Variants in TNKS observed in about 807,000 individuals in gnomAD.
The protein encoded by TNKS is poly [ADP-ribose] polymerase tankyrase-1.
A neutral mutation model predicts 135.8 loss-of-function variants in TNKS; 72 were observed. That is an observed-to-expected ratio of 0.53 (90% CI 0.44 to 0.64). The LOEUF (loss-of-function observed/expected upper bound fraction) is 0.64, where lower values mean the gene tolerates loss of function less well. TNKS is among the 30% of genes least tolerant of loss of function. TNKS has a pLI of 0.00. For missense variants in TNKS, 1,769 were observed against 1,674.0 expected, an observed-to-expected ratio of 1.06 and a Z score of -0.99; for synonymous variants, 849 against 649.3, an observed-to-expected ratio of 1.31 and a Z score of -4.68.
chr8:9,747,498 A>T (rs1806301261), intron 17 of TNKS, among the ~76,000 whole-genome samples: 1 of 152,200 alleles, frequency 6.6e-6, no homozygotes, highest in Non-Finnish European at 1.5e-5. Flanking sequence ...ACCAATTTTC[A>T]TAAAATGTTA....
At chr8:9,575,443 G>A (rs1797911039) in intron 1 of TNKS, 3 of 984,264 alleles carry the variant, frequency 3.0e-6, no homozygotes, top group East Asian at 1.1e-4. Flanking sequence ...TTATTCTAAA[G>A]TTATACTAAC....
Position 9,763,206 on chromosome 8 carries a change from G to A in TNKS, c.3334G>A (p.Ala1112Thr). Reference protein sequence around the residue: ...VNQGTILLDLAPEDKEYQSVE... With the variant: ...VNQGTILLDLTPEDKEYQSVE... ...TCAGGGAACGATTTTGCTGGATCTT[G>A]CTCCAGAAGATAAAGAATATCAGTC... The change falls in exon 22 of 27, where the codon GCT (alanine) becomes ACT (threonine). Residue 1112 changes from alanine (A) to threonine (T), a missense_variant. By Grantham distance (58) the Ala-to-Thr change is moderately conservative (BLOSUM62 0). Transcript: ENST00000310430. The A allele has an allele frequency of 6.2e-7, 1 of 1,607,640 alleles. No individual in the cohort carries two copies. Among genetic ancestry groups the A allele is most frequent in the East Asian group, 2.2e-5 (1 of 44,732 alleles).
intron 5 of TNKS, among the ~76,000 whole-genome samples, chr8:9,692,581 G>A (rs1239328027): frequency 1.3e-5 from 2 of 152,210 alleles, no homozygotes; most frequent in Non-Finnish European, 2.9e-5. Context: ...CGCTGACCAA[G>A]AGGTCCAGGA....
chr8:9,579,187 A>C (rs896040764), intron 1 of TNKS, among the ~76,000 whole-genome samples: 1 of 152,132 alleles, frequency 6.6e-6, no homozygotes, highest in African/African-American at 2.4e-5. Flanking sequence ...TTATATTCCC[A>C]AGTGCTTGTA....
intron 14 of TNKS, among the ~76,000 whole-genome samples, chr8:9,732,779 C>T (rs1444832049): frequency 1.3e-5 from 2 of 152,136 alleles, no homozygotes; most frequent in African/African-American, 2.4e-5. Context: ...TTGACATCGT[C>T]ATTTTTCTTA....
chr8:9,621,983 T>C (rs956002816), intron 3 of TNKS, among the ~76,000 whole-genome samples: 65 of 152,350 alleles, frequency 4.3e-4, no homozygotes, highest in African/African-American at 1.5e-3. Flanking sequence ...TGAATACTCA[T>C]TTTAAATATA....
intron 11 of TNKS, among the ~76,000 whole-genome samples, chr8:9,711,887 A>G (rs1486452026): frequency 6.6e-6 from 1 of 152,202 alleles, no homozygotes; most frequent in East Asian, 1.9e-4. Flanking sequence ...TTAAACACAT[A>G]AAAACAGAAT....
chr8:9,742,788 A>G (rs1317369324), intron 17 of TNKS, among the ~76,000 whole-genome samples: 3 of 149,674 alleles, frequency 2.0e-5, no homozygotes, highest in Non-Finnish European at 4.4e-5. Flanking sequence ...AAATATATAT[A>G]CTTATATATT....
intron 3 of TNKS, among the ~76,000 whole-genome samples, chr8:9,636,696 C>T (rs35054885): frequency 0.11 from 17,357 of 152,148 alleles, 1,235 homozygotes; most frequent in East Asian, 0.22. Context: ...TTTTGTCTTG[C>T]CTTTTCCATA....
At chr8:9,605,866 C>G (rs967772008) in intron 2 of TNKS, among the ~76,000 whole-genome samples, 1 of 151,924 alleles carries the variant, frequency 6.6e-6, no homozygotes, top group African/African-American at 2.4e-5. Flanking sequence ...ATATGTGTTG[C>G]AAATATTTTC....
At chr8:9,602,820 C>G (rs1422850459) in intron 2 of TNKS, among the ~76,000 whole-genome samples, 1 of 152,154 alleles carries the variant, frequency 6.6e-6, no homozygotes, top group Admixed American at 6.6e-5. Flanking sequence ...TGTAATGTGT[C>G]TAAAACAATA....
At chr8:9,697,748 C>T (rs1300548934) in intron 5 of TNKS, among the ~76,000 whole-genome samples, 1 of 152,116 alleles carries the variant, frequency 6.6e-6, no homozygotes, top group Non-Finnish European at 1.5e-5. Flanking sequence ...CTGTCTCACA[C>T]CACTCAGAAT....
intron 12 of TNKS, 111 bp from the exon 13 acceptor site, chr8:9,726,530 C>T (rs1309539845): frequency 1.4e-6 from 1 of 692,418 alleles, no homozygotes; most frequent in African/African-American, 1.8e-5. Flanking sequence ...ATAATTTTTC[C>T]TCCTGAACTA....
Position 9,679,970 on chromosome 8 carries a change from A to G in TNKS, c.1014A>G (p.Glu338=), listed in dbSNP as rs775073143. Residue 338 remains glutamate, a synonymous_variant, in exon 4 of 27, where the codon GAA becomes GAG. Coordinates refer to ENST00000310430, the MANE Select transcript of TNKS (RefSeq NM_003747.3). The part of the protein sequence containing the change: ...AVLTGEYKKD[E]LLEAARSGNE... The stretch of plus-strand genomic sequence containing the variant: ...ATCTAGGTGAATACAAGAAAGACGA[A>G]CTCCTAGAAGCTGCTAGGTAAGTGA... 2 of 1,613,220 alleles carry G rather than the reference A, an allele frequency of 1.2e-6. No individual in the cohort carries two copies. The highest frequency in any genetic ancestry group is 2.2e-5 in the South Asian group (2 of 91,056).
At chr8:9,735,300 C>G (rs1805639057) in intron 16 of TNKS, 77 bp from the exon 17 acceptor site, 3 of 1,347,720 alleles carry the variant, frequency 2.2e-6, no homozygotes, top group Non-Finnish European at 3.1e-6. Context: ...TTAACATTTT[C>G]TGGTCCTTAT....
At chr8:9,733,248 T>TA (rs1805532040) in intron 14 of TNKS, 31 bp from the exon 15 acceptor site, 1 of 1,529,584 alleles carries the variant, frequency 6.5e-7, no homozygotes, top group African/African-American at 1.4e-5. Context: ...AGGTTTGTTT[T>TA]ATGACTTTAA....
chr8:9,670,240 A>G (rs1226156918), intron 3 of TNKS: 1 of 152,184 alleles, frequency 6.6e-6, no homozygotes, highest in Non-Finnish European at 1.5e-5. Context: ...GTTTTTTCAA[A>G]AGTTAGTTTG....
At chr8:9,647,994 A>G (rs914522919) in intron 3 of TNKS, among the ~76,000 whole-genome samples, 6 of 152,208 alleles carry the variant, frequency 3.9e-5, no homozygotes, top group African/African-American at 1.4e-4. Flanking sequence ...GCATTTGTTT[A>G]TCTAAACATA....
rs543540222 is a variant in TNKS, at chr8:9,658,522, A to C, written c.995-21429A>C. On this transcript the variant is annotated intron_variant, in intron 3 of 26. Transcript: ENST00000310430. Reference sequence around the variant, plus strand: ...GAAGGAGAAATAAAATCCTTTACAGACAAGCAAATGCTGAGAGATTTTGTC... The same window carrying C: ...GAAGGAGAAATAAAATCCTTTACAGCCAAGCAAATGCTGAGAGATTTTGTC... 3.7e-4 allele frequency: 169 copies of C among 450,926 alleles called. 1 individual carries two copies. Among genetic ancestry groups the C allele is most frequent in the African/African-American group, 3.5e-3 (163 of 46,998 alleles). The allele number at this position is 450,926 out of a possible 1,614,324, so 27.9% of individuals were successfully genotyped here.
Sources: allele counts gnomAD v4.1 joint callset (sites outside exome capture counted in the v4.1 genomes callset), GRCh38; gene constraint gnomAD v4.1.1; transcripts MANE v1.5; gene names NCBI Gene and HGNC (gene_info 2026-07-23, HGNC 2026-07-21).